Variants in THSD4 observed in about 807,000 individuals in gnomAD.
THSD4 encodes the protein thrombospondin type-1 domain-containing protein 4.
A neutral mutation model predicts 119.0 loss-of-function variants in THSD4; 69 were observed. The ratio of observed to expected loss-of-function variants is 0.58; its 90% CI spans 0.48 to 0.71. The LOEUF is 0.71. THSD4 is among the 30% of genes least tolerant of loss of function. THSD4 has a pLI of 0.00. For synonymous variants in THSD4, 524 were observed against 540.4 expected (o/e 0.97, Z 0.42); for missense variants, 1,393 against 1,391.1 (o/e 1.00, Z -0.02).
At chr15:71,292,833 C>T (rs925554803) in intron 6 of THSD4, among the ~76,000 whole-genome samples, 20 of 152,162 alleles carry the variant, frequency 1.3e-4, no homozygotes, top group African/African-American at 3.6e-4. Context: ...CCCACCACCA[C>T]GCCCGGCTGA....
At chr15:71,510,431 A>C (rs2048262947) in intron 7 of THSD4, among the ~76,000 whole-genome samples, 1 of 152,226 alleles carries the variant, frequency 6.6e-6, no homozygotes, top group Admixed American at 6.5e-5. Flanking sequence ...AAATGCACGG[A>C]CATAGAATAT....
intron 7 of THSD4, among the ~76,000 whole-genome samples, chr15:71,607,301 A>G (rs942999460): frequency 4.6e-5 from 7 of 152,244 alleles, no homozygotes; most frequent in Admixed American, 2.0e-4. Flanking sequence ...CAGATGGTCC[A>G]GCTTGCAAAA....
rs550238680 is a variant in THSD4, at chr15:71,347,028, C to T, written c.1016-64659C>T. On this transcript the variant is annotated intron_variant, in intron 6 of 17. Transcript: ENST00000261862. The stretch of plus-strand genomic sequence containing the variant: ...AGCTGAGATTACAGGCGCGTGCCAC[C>T]ACACCTGGCTAATTTTTGTATTTTT... Among the ~76,000 whole-genome samples, 31 of 152,008 alleles carry T rather than the reference C, an allele frequency of 2.0e-4. No individual in the cohort carries two copies. The East Asian group carries it at 6.0e-3, about 29-fold the overall frequency.
intron 6 of THSD4, among the ~76,000 whole-genome samples, chr15:71,390,840 T>C (rs1329858176): frequency 6.7e-6 from 1 of 150,120 alleles, no homozygotes; most frequent in Non-Finnish European, 1.5e-5. Context: ...TAATTATGAT[T>C]GGCTAAATCT....
chr15:71,165,663 T>C (rs1334859283), intron 3 of THSD4, among the ~76,000 whole-genome samples: 2 of 152,214 alleles, frequency 1.3e-5, no homozygotes, highest in Non-Finnish European at 2.9e-5. Context: ...ATTTTTCAAC[T>C]GTAATCTTCA....
At chr15:71,624,181 T>G (rs1270803016) in intron 7 of THSD4, among the ~76,000 whole-genome samples, 1 of 152,114 alleles carries the variant, frequency 6.6e-6, no homozygotes, top group Non-Finnish European at 1.5e-5. Context: ...GTTGTCCCAA[T>G]AGAAGCAATG....
intron 3 of THSD4, among the ~76,000 whole-genome samples, chr15:71,169,964 A>G (rs568525244): frequency 1.3e-5 from 2 of 152,278 alleles, no homozygotes; most frequent in East Asian, 3.9e-4. Flanking sequence ...ACCTGAGGTC[A>G]GGAGTTCAAG....
intron 8 of THSD4, among the ~76,000 whole-genome samples, chr15:71,712,369 G>C (rs1383878041): frequency 1.3e-5 from 2 of 152,188 alleles, no homozygotes; most frequent in African/African-American, 4.8e-5. Context: ...TGCAGCTAAA[G>C]CAGTGCTTAG....
At chr15:71,225,541 TTTTTTTTTTC>T (rs1276857094) in intron 4 of THSD4, among the ~76,000 whole-genome samples, 6 of 92,388 alleles carry the variant, frequency 6.5e-5, no homozygotes, top group South Asian at 3.3e-4. Context: ...TTCTTTTTCT[TTTTTTTTTTC>T]TTTTTTTTTT....
chr15:71,611,696 G>A (rs1332112096), intron 7 of THSD4, among the ~76,000 whole-genome samples: 2 of 152,240 alleles, frequency 1.3e-5, no homozygotes, highest in Admixed American at 1.3e-4. Context: ...GCCAGGAAAG[G>A]TTTCAGAGAA....
chr15:71,503,546 C>T (rs1458786634), intron 7 of THSD4, among the ~76,000 whole-genome samples: 1 of 152,160 alleles, frequency 6.6e-6, no homozygotes, highest in East Asian at 1.9e-4. Flanking sequence ...AGTGAAAAAA[C>T]AAAACAAGTG....
chr15:71,476,335 G>A (rs1012548934), intron 7 of THSD4, among the ~76,000 whole-genome samples: 2 of 152,130 alleles, frequency 1.3e-5, no homozygotes, highest in Admixed American at 1.3e-4. Flanking sequence ...AGGTTCAAGC[G>A]ATTCTCCTGC....
chr15:71,272,374 G>A (rs1316814354), intron 6 of THSD4, among the ~76,000 whole-genome samples: 2 of 124,752 alleles, frequency 1.6e-5, no homozygotes, highest in African/African-American at 3.2e-5. Flanking sequence ...CTCCAGCCAG[G>A]GGACAAAGTG....
intron 8 of THSD4, among the ~76,000 whole-genome samples, chr15:71,718,988 A>G (rs2052663739): frequency 6.6e-6 from 1 of 152,190 alleles, no homozygotes; most frequent in South Asian, 2.1e-4. Flanking sequence ...TTTTCTTATT[A>G]TACCATAGGT....
At chr15:71,557,985 C>T (rs1179587591) in intron 7 of THSD4, among the ~76,000 whole-genome samples, 19 of 152,082 alleles carry the variant, frequency 1.2e-4, no homozygotes, top group South Asian at 2.1e-4. Context: ...CTGCTCTTTC[C>T]GCGGGTTTAT....
intron 3 of THSD4, among the ~76,000 whole-genome samples, chr15:71,191,136 T>C (rs28679342): frequency 0.17 from 25,709 of 152,132 alleles, 2,219 homozygotes; most frequent in Admixed American, 0.22. Context: ...TGCCTTCTCC[T>C]GCTCCTTAGT....
At chr15:71,135,879 G>T (rs1474341928) in intron 1 of THSD4, among the ~76,000 whole-genome samples, 1 of 151,710 alleles carries the variant, frequency 6.6e-6, no homozygotes. Flanking sequence ...GGCTCTGAGG[G>T]CCTTATTGGA....
intron 8 of THSD4, among the ~76,000 whole-genome samples, chr15:71,724,282 TATA>T (rs770344937): frequency 0.021 from 1,137 of 53,408 alleles, 121 homozygotes; most frequent in Admixed American, 0.045. Flanking sequence ...TATATATATA[TATA>T]TATTTTTTTT....
At chr15:71,542,597 G>A (rs902902924) in intron 7 of THSD4, among the ~76,000 whole-genome samples, 2 of 152,104 alleles carry the variant, frequency 1.3e-5, no homozygotes, top group African/African-American at 2.4e-5. Flanking sequence ...AACAAATTGG[G>A]CCGGGCACAG....
Sources: gnomAD v4.1 joint callset for allele counts (sites outside exome capture counted in the v4.1 genomes callset) on GRCh38, gnomAD v4.1.1 for gene constraint, MANE v1.5 for transcripts, NCBI Gene and HGNC (gene_info 2026-07-23, HGNC 2026-07-21) for gene names.